The following SLC25A24 variants were observed in gnomAD, a reference collection of about 807,000 sequenced individuals.
SLC25A24 encodes mitochondrial adenyl nucleotide antiporter SLC25A24.
SLC25A24 carries 49 observed loss-of-function variants against 60.7 expected under a neutral mutation model. The observed-to-expected ratio is 0.81, with a 90% CI of 0.64 to 1.02. SLC25A24 has a LOEUF of 1.02. Ranked by LOEUF, SLC25A24 falls within the 50% of genes least tolerant of loss-of-function variation. The pLI is 0.00. For missense variants in SLC25A24, 564 were observed against 586.3 expected, an observed-to-expected ratio of 0.96 and a Z score of 0.39; for synonymous variants, 202 against 200.6, an observed-to-expected ratio of 1.01 and a Z score of -0.06.
chr1:108,188,745 A>C (rs1202549173), intron 1 of SLC25A24, among the ~76,000 whole-genome samples: 3 of 152,214 alleles, frequency 2.0e-5, no homozygotes, highest in Non-Finnish European at 4.4e-5. Context: ...TAAGGTAGTT[A>C]TTAGAAAAGG....
At position 108,197,492 on chromosome 1, in the gene SLC25A24, C is replaced by G. The variant is rs535808590; in HGVS notation, c.183+2464G>C. On this transcript the variant is annotated intron_variant, in intron 1 of 9. Transcript: ENST00000565488. ...TTTCTATGCTCAAGTAGCCAATGTC[C>G]TCACTCCTTGACATTACATAAACCC... Among the ~76,000 whole-genome samples, 3 of 152,290 alleles carry G rather than the reference C, an allele frequency of 2.0e-5. No homozygotes were observed. In the South Asian group the frequency reaches 6.2e-4, roughly 32 times the overall value.
Position 108,181,950 on chromosome 1 carries a change from A to C in SLC25A24, c.389T>G (p.Ile130Ser). 6.2e-7 allele frequency: 1 copy of C among 1,607,880 alleles called. No homozygotes were observed. The highest frequency in any genetic ancestry group is 8.5e-7 in the Non-Finnish European group (1 of 1,174,814). Residue 130 changes from isoleucine to serine, a missense_variant, in exon 3 of 10, where the codon ATT (isoleucine) becomes AGT (serine). By Grantham distance (142) the Ile-to-Ser change is moderately radical. Transcript: ENST00000565488. Reference protein sequence around the residue: ...LTISEQQAELILQSIDVDGTM... With the variant: ...LTISEQQAELSLQSIDVDGTM... ...AACATGAAGAGCTTACCTTTGAAGA[A>C]TCAACTCTGCTTGTTGTTCAGAAAT... is the stretch of plus-strand genomic sequence containing the variant.
At chr1:108,179,577 CA>C (rs1180503448) in intron 3 of SLC25A24, among the ~76,000 whole-genome samples, 2 of 151,850 alleles carry the variant, frequency 1.3e-5, no homozygotes, top group African/African-American at 4.8e-5. Flanking sequence ...ACTATTCGGC[CA>C]TTAAAAAAAG....
chr1:108,164,778 T>TTTTTTGTG (rs1558017241), intron 3 of SLC25A24, among the ~76,000 whole-genome samples: 3 of 96,850 alleles, frequency 3.1e-5, no homozygotes, highest in African/African-American at 1.4e-4. Context: ...GAAGGGTTTT[T>TTTTTTGTG]TGTCTCTATT....
chr1:108,187,922 T>TTATATATATATATATATATATATATATA lies in SLC25A24; in HGVS notation c.184-1969_184-1968insTATATATATATATATATATATATATATA, dbSNP rs1470627510. On this transcript the variant is annotated intron_variant, in intron 1 of 9. Transcript: ENST00000565488. ...CATAATACACGAAATGGATAAGACA[T>TTATATATATATATATATATATATATATA]TATAGATATATATATATATATATTC... 1.8e-3 allele frequency among the ~76,000 whole-genome samples: 94 copies of TTATATATATATATATATATATATATATA among 51,058 alleles called. 2 individuals are homozygous for TTATATATATATATATATATATATATATA. The highest frequency in any genetic ancestry group is 6.7e-3 in the African/African-American group (77 of 11,504). 33.5% of individuals were successfully genotyped at this position (51,058 alleles called of 152,430 possible).
At chr1:108,169,034 T>C (rs1378658256) in intron 3 of SLC25A24, among the ~76,000 whole-genome samples, 1 of 152,230 alleles carries the variant, frequency 6.6e-6, no homozygotes, top group Non-Finnish European at 1.5e-5. Flanking sequence ...TTCCTTTTTG[T>C]CTGCATGAGC....
chr1:108,149,864 C>T (rs1191155023), intron 6 of SLC25A24, among the ~76,000 whole-genome samples: 1 of 152,118 alleles, frequency 6.6e-6, no homozygotes, highest in Non-Finnish European at 1.5e-5. Flanking sequence ...TCTAAAGTGC[C>T]CAATGCAACA....
intron 6 of SLC25A24, among the ~76,000 whole-genome samples, chr1:108,153,920 C>A (rs1679818519): frequency 6.6e-6 from 1 of 152,116 alleles, no homozygotes; most frequent in Non-Finnish European, 1.5e-5. Flanking sequence ...GCTTTCCTAT[C>A]ATAAAATCCA....
intron 2 of SLC25A24, among the ~76,000 whole-genome samples, chr1:108,182,633 G>A (rs1203594186): frequency 1.3e-5 from 2 of 152,088 alleles, no homozygotes; most frequent in East Asian, 3.9e-4. Context: ...AGCAGTTAGA[G>A]AGCAGTGTGG....
intron 6 of SLC25A24, among the ~76,000 whole-genome samples, chr1:108,152,193 C>T (rs1558011069): frequency 1.3e-5 from 2 of 152,142 alleles, no homozygotes; most frequent in African/African-American, 4.8e-5. Flanking sequence ...TTACATTTGG[C>T]CCCTGTTTAT....
intron 3 of SLC25A24, among the ~76,000 whole-genome samples, chr1:108,172,026 G>A (rs541380898): frequency 1.5e-4 from 23 of 152,296 alleles, no homozygotes; most frequent in Non-Finnish European, 3.4e-4. Flanking sequence ...AGAATAACTG[G>A]AGTGAAGGGT....
chr1:108,169,993 CTG>C (rs1488392657), intron 3 of SLC25A24, among the ~76,000 whole-genome samples: 3 of 152,010 alleles, frequency 2.0e-5, no homozygotes, highest in Non-Finnish European at 4.4e-5. Context: ...TTTGTTGATC[CTG>C]TTACTGCATC....
At position 108,155,142 on chromosome 1, in the gene SLC25A24, A is replaced by G; in HGVS notation, c.670-7T>C. On this transcript the variant is annotated splice_polypyrimidine_tract_variant and splice_region_variant and intron_variant, in intron 5 of 9. Transcript: ENST00000565488. Reference sequence around the variant, plus strand: ...CTGATTTTGAACCGTGAACCTAAAAATAAAAGCAGAATGATATAAAATGCT... The same window carrying G: ...CTGATTTTGAACCGTGAACCTAAAAGTAAAAGCAGAATGATATAAAATGCT... The G allele has an allele frequency of 6.2e-7, 1 of 1,605,634 alleles. No individual in the cohort carries two copies. Among genetic ancestry groups the G allele is most frequent in the South Asian group, 1.1e-5 (1 of 89,326 alleles).
intron 6 of SLC25A24, among the ~76,000 whole-genome samples, chr1:108,153,708 A>C (rs1679812338): frequency 1.3e-5 from 2 of 152,208 alleles, no homozygotes; most frequent in South Asian, 4.1e-4. Context: ...AGAAATCACA[A>C]TACTATAAAG....
chr1:108,190,751 G>A lies in SLC25A24; in HGVS notation c.184-4797C>T, dbSNP rs532863227. On this transcript the variant is annotated intron_variant, in intron 1 of 9. Coordinates refer to ENST00000565488, the MANE Select transcript of SLC25A24 (RefSeq NM_013386.5). ...TATATAAACAAATTTTCCTACTGGG[G>A]AGGTGGAGACGTGTGGGAAGAGACC... Among the ~76,000 whole-genome samples, 3 of 93,144 alleles carry A rather than the reference G, an allele frequency of 3.2e-5. 1 individual carries two copies. The East Asian group carries it at 2.0e-3, about 62-fold the overall frequency. The allele number at this position is 93,144 out of a possible 152,430, so 61.1% of individuals were successfully genotyped here.
chr1:108,189,475 G>A (rs1648264890), intron 1 of SLC25A24, among the ~76,000 whole-genome samples: 1 of 152,180 alleles, frequency 6.6e-6, no homozygotes, highest in African/African-American at 2.4e-5. Context: ...GATGCTACTT[G>A]CCTGTTAGTC....
intron 8 of SLC25A24, among the ~76,000 whole-genome samples, chr1:108,143,023 A>G (rs1414286925): frequency 6.6e-6 from 1 of 152,104 alleles, no homozygotes; most frequent in East Asian, 1.9e-4. Context: ...TGTCTCCCCC[A>G]CCAGACCTTC....
chr1:108,137,532 G>C (rs1348811879), intron 9 of SLC25A24, among the ~76,000 whole-genome samples: 1 of 152,218 alleles, frequency 6.6e-6, no homozygotes, highest in Admixed American at 6.5e-5. Context: ...ATTATTAAAG[G>C]CTTTGAAATT....
In SLC25A24 at chr1:108,193,272, G is replaced by A. The variant is rs773475287; in HGVS notation, c.183+6684C>T. 5.8e-5 allele frequency among the ~76,000 whole-genome samples: 8 copies of A among 137,686 alleles called. 1 individual carries two copies. The highest frequency in any genetic ancestry group is 1.3e-4 in the African/African-American group (5 of 39,688). The allele number at this position is 137,686 out of a possible 152,430, so 90.3% of individuals were successfully genotyped here. On this transcript the variant is annotated intron_variant, in intron 1 of 9. Coordinates refer to ENST00000565488, the MANE Select transcript of SLC25A24 (RefSeq NM_013386.5). ...GATACTGGGGTTTGAGCTCCTAATC[G>A]TGCCATCACCCAGGTTGTGAACAAA...
Sources: gnomAD v4.1 joint callset for allele counts (sites outside exome capture counted in the v4.1 genomes callset) on GRCh38, gnomAD v4.1.1 for gene constraint, MANE v1.5 for transcripts, NCBI Gene and HGNC (gene_info 2026-07-23, HGNC 2026-07-21) for gene names.